The following ZIC3 variants were observed in gnomAD, a reference collection of about 807,000 sequenced individuals.
ZIC3 encodes Zic family zinc finger 3, also known as zinc finger protein ZIC 3.
Under a neutral mutation model 18.3 loss-of-function variants are expected in ZIC3, and 6 were observed. The observed-to-expected ratio is 0.33, with a 90% CI of 0.18 to 0.65. The LOEUF (loss-of-function observed/expected upper bound fraction) is 0.65. Ranked by LOEUF, ZIC3 falls within the 30% of genes least tolerant of loss-of-function variation. The pLI is 0.75. For missense variants in ZIC3, 260 were observed against 410.0 expected (o/e 0.63, Z 3.16); for synonymous variants, 175 against 177.0 (o/e 0.99, Z 0.09).
Position 137,569,066 on chromosome X carries a change from G to A in ZIC3, c.1224+1G>A. 8.3e-7 allele frequency: 1 copy of A among 1,210,622 alleles called. No homozygotes were observed. Among genetic ancestry groups the A allele is most frequent in the Non-Finnish European group, 1.1e-6 (1 of 894,925 alleles). On this transcript the variant is annotated splice_donor_variant, in intron 2 of 2. Coordinates refer to ENST00000287538, the MANE Select transcript of ZIC3 (RefSeq NM_003413.4). LOFTEE classifies it high-confidence loss of function. ...GAGCTCCCTGCGCAAACACATGAAG[G>A]TAATTACCTCTTTATTAGCGGTCGG...
chrX:137,576,121 C>T (rs1045279277), downstream of ZIC3, among the ~76,000 whole-genome samples: 4 of 107,164 alleles, frequency 3.7e-5, no homozygotes, highest in Non-Finnish European at 7.7e-5. Flanking sequence ...TTCCCCACCC[C>T]CTCGCTGGAA....
At chrX:137,577,340 A>G in exon 3 of ZIC3, 1 of 403,627 alleles carries the variant, frequency 2.5e-6, no homozygotes, top group Non-Finnish European at 4.5e-6. Context: ...TAAGAGTAGT[A>G]GCTTCTTCCC....
At chrX:137,574,641 G>T (rs898818542), downstream of ZIC3, among the ~76,000 whole-genome samples, 35 of 112,870 alleles carry the variant, frequency 3.1e-4, no homozygotes, top group Non-Finnish European at 4.9e-4. Context: ...TTTGCAGCGA[G>T]GGGGTTGGGG....
intron 1 of ZIC3, among the ~76,000 whole-genome samples, chrX:137,568,568 C>G (rs1931390361): frequency 8.9e-6 from 1 of 111,801 alleles, no homozygotes; most frequent in Non-Finnish European, 1.9e-5. Context: ...AACGTGGCCG[C>G]GCATTGGGAG....
In ZIC3 at chrX:137,566,188, C is replaced by T. The variant is rs776236586; in HGVS notation, c.-504C>T. ...TGGGACTCGCGCGGCGAGCGGCAAG[C>T]GGCGAGTAACGAGCCTGCCTACTGC... On this transcript the variant is annotated 5_prime_UTR_variant, in exon 1 of 3. Coordinates refer to ENST00000287538, the MANE Select transcript of ZIC3 (RefSeq NM_003413.4). 4 of 148,677 alleles carry T rather than the reference C, an allele frequency of 2.7e-5. No individual in the cohort carries two copies. The East Asian group carries it at 7.9e-4, about 29-fold the overall frequency. 12.3% of individuals were successfully genotyped at this position (148,677 alleles called of 1,213,427 possible).
At chrX:137,572,699 G>T (rs141944043), downstream of ZIC3, among the ~76,000 whole-genome samples, 1 of 109,075 alleles carries the variant, frequency 9.2e-6, no homozygotes, top group Admixed American at 9.8e-5. Flanking sequence ...CTAACTTTAC[G>T]TGGAAGTAGA....
chrX:137,570,017 A>C lies in ZIC3; in HGVS notation c.1351A>C (p.Ser451Arg). 8.2e-7 allele frequency: 1 copy of C among 1,212,175 alleles called. No homozygotes were observed. Among genetic ancestry groups the C allele is most frequent in the Non-Finnish European group, 1.1e-6 (1 of 895,619 alleles). The change falls in exon 3 of 3, where the codon AGC becomes CGC. Residue 451 changes from serine to arginine, a missense_variant. Physicochemically the swap from Ser to Arg is moderately radical, Grantham distance 110. Around this residue, in one of 4 missense-constraint regions of ZIC3, gnomAD observed 52 missense variants for 111.5 expected, o/e 0.47. Transcript: ENST00000287538. ...TTKTPSAVQT[S>R]TSHNPGLPPN... ...TAAAACCCCTTCTGCAGTTCAAACT[A>C]GCACCAGCCACAACCCTGGACTTCC...
intron 2 of ZIC3, among the ~76,000 whole-genome samples, 200 bp downstream of exon 2, chrX:137,569,265 G>A (rs1224497013): frequency 9.1e-6 from 1 of 110,367 alleles, no homozygotes; most frequent in Non-Finnish European, 1.9e-5. Context: ...AAAGTTGGGA[G>A]GGGGAGGAAG....
rs748325646 is a variant in ZIC3 at position 137,566,825 on chromosome X, ACGC to A, written c.159_161del (p.Ala55del). 362 of 1,155,920 alleles carry A rather than the reference ACGC, an allele frequency of 3.1e-4. 1 individual carries two copies. The South Asian group carries it at 5.2e-3, about 16-fold the overall frequency. ...CTGAATCCCTTCGGGGACTCAACCC[ACGC>A]CGCCGCCGCCGCCGCCGCCGCCGCT... On this transcript the variant is annotated inframe_deletion, in exon 1 of 3. Coordinates refer to ENST00000287538, the MANE Select transcript of ZIC3 (RefSeq NM_003413.4).
chrX:137,568,686 GCCCCAC>G (rs1200920784), intron 1 of ZIC3: 1 of 90,111 alleles, frequency 1.1e-5, no homozygotes, highest in Non-Finnish European at 2.0e-5. Flanking sequence ...GGCCGGCCCC[GCCCCAC>G]CCCCACCCCC....
chrX:137,574,495 C>A (rs1931486525), downstream of ZIC3, among the ~76,000 whole-genome samples: 1 of 113,390 alleles, frequency 8.8e-6, no homozygotes, highest in African/African-American at 3.2e-5. Context: ...GGGGCCCCAA[C>A]CCCTCCCCCG....
chrX:137,574,393 C>A (rs1020251231), downstream of ZIC3, among the ~76,000 whole-genome samples: 20 of 113,484 alleles, frequency 1.8e-4, no homozygotes, highest in Non-Finnish European at 1.9e-5. Context: ...GTGCCGGGAA[C>A]AGACTTTGAA....
downstream of ZIC3, among the ~76,000 whole-genome samples, chrX:137,576,929 A>G (rs1246627989): frequency 8.9e-6 from 1 of 112,224 alleles, no homozygotes; most frequent in Non-Finnish European, 1.9e-5. Flanking sequence ...CTTGTGTCAT[A>G]TATTTTATTA....
At position 137,569,987 on chromosome X, in the gene ZIC3, A is replaced by C; in HGVS notation, c.1321A>C (p.Thr441Pro). ...TATAGCTTCTGCAAACAGTAAAGAT[A>C]CCACTAAAACCCCTTCTGCAGTTCA... ...PAIASANSKD[T>P]TKTPSAVQTS... is the part of the protein sequence containing the mutation. The change falls in exon 3 of 3, where the codon ACC becomes CCC. Residue 441 changes from threonine (T) to proline (P), a missense_variant. Physicochemically the swap from Thr to Pro is conservative, Grantham distance 38 (BLOSUM62 -1). Coordinates refer to ENST00000287538, the MANE Select transcript of ZIC3 (RefSeq NM_003413.4). The C allele has an allele frequency of 8.3e-7, 1 of 1,211,906 alleles. No individual in the cohort carries two copies. The highest frequency in any genetic ancestry group is 1.1e-6 in the Non-Finnish European group (1 of 895,481).
intron 1 of ZIC3, chrX:137,568,686 G>GC: frequency 8.9e-5 from 8 of 90,091 alleles, no homozygotes; most frequent in South Asian, 3.5e-4. Flanking sequence ...GGCCGGCCCC[G>GC]CCCCACCCCC....
At chrX:137,569,524 G>A in intron 2 of ZIC3, among the ~76,000 whole-genome samples, 1 of 112,773 alleles carries the variant, frequency 8.9e-6, no homozygotes, top group Middle Eastern at 4.6e-3. Context: ...CACCTTCTCT[G>A]TACCTGCTTT....
At chrX:137,577,241 C>T (rs186847793) in exon 3 of ZIC3, 1 of 518,401 alleles carries the variant, frequency 1.9e-6, no homozygotes, top group South Asian at 2.6e-5. Context: ...GGGTTAATGC[C>T]GAACCTACTG....
Position 137,570,129 on chromosome X carries a change from T to C in ZIC3, c.*59T>C. ...ACCAAATACATTTTTAAAAGAAAACTGAGACCAATCAGATGGAAATGGAGT... is the reference window on the plus strand; with the variant it reads ...ACCAAATACATTTTTAAAAGAAAACCGAGACCAATCAGATGGAAATGGAGT... On this transcript the variant is annotated 3_prime_UTR_variant, in exon 3 of 3. Transcript: ENST00000287538. 8.6e-7 allele frequency: 1 copy of C among 1,159,527 alleles called. No homozygotes were observed. The highest frequency in any genetic ancestry group is 1.2e-6 in the Non-Finnish European group (1 of 847,957).
downstream of ZIC3, among the ~76,000 whole-genome samples, chrX:137,572,395 CAT>C (rs1356028663): frequency 8.9e-6 from 1 of 111,939 alleles, no homozygotes; most frequent in African/African-American, 3.3e-5. Flanking sequence ...GATGACTACA[CAT>C]GTGATGAGCA....
Sources: allele counts gnomAD v4.1 joint callset (sites outside exome capture counted in the v4.1 genomes callset), GRCh38; gene constraint gnomAD v4.1.1; regional missense constraint gnomAD v4.1.1; transcripts MANE v1.5; gene names NCBI Gene and HGNC (gene_info 2026-07-23, HGNC 2026-07-21).